The following SRSF12 variants were observed in gnomAD, a reference collection of about 807,000 sequenced individuals.
SRSF12 encodes the protein serine and arginine rich splicing factor 12.
A neutral mutation model predicts 34.1 loss-of-function variants in SRSF12; 21 were observed. That is an observed-to-expected ratio of 0.62 (90% CI 0.44 to 0.89). The LOEUF is 0.89. Among genes scored for constraint, SRSF12 ranks in the 40% least tolerant of loss-of-function variants. The probability of loss-of-function intolerance (pLI) is 0.00; values close to 1 mark genes in which losing one functional copy is unlikely to be tolerated. For synonymous variants in SRSF12, 111 were observed against 110.8 expected (o/e 1.00, Z -0.01); for missense variants, 278 against 327.8 (o/e 0.85, Z 1.17).
chr6:89,098,794 C>T lies in SRSF12; in HGVS notation c.570G>A (p.Lys190=), dbSNP rs1487181261. The change falls in exon 5 of 5, where the codon AAG becomes AAA. Residue 190 remains lysine (K), a synonymous_variant. Coordinates refer to ENST00000452027, the MANE Select transcript of SRSF12 (RefSeq NM_080743.5). The part of the protein sequence containing the change: ...SRSKSLQKRS[K]SIGKSQSSSP... ...AACTTGACTGTGATTTTCCTATTGA[C>T]TTGGACCTCTTTTGTAAGGACTTGG... 1 of 1,613,942 alleles carries T rather than the reference C, an allele frequency of 6.2e-7. No individual in the cohort carries two copies. The highest frequency in any genetic ancestry group is 8.5e-7 in the Non-Finnish European group (1 of 1,179,890).
In SRSF12 at chr6:89,099,443, CATAT is replaced by C. The variant is rs66913576; in HGVS notation, c.417-500_417-497del. On this transcript the variant is annotated intron_variant, in intron 4 of 4. Coordinates refer to ENST00000452027, the MANE Select transcript of SRSF12 (RefSeq NM_080743.5). ...ATATATATGTGTGTATATATATACACATATATATGTGTGTATATATGTGTGTGTA... is the reference window on the plus strand; with the variant it reads ...ATATATATGTGTGTATATATATACACATATGTGTGTATATATGTGTGTGTA... Among the ~76,000 whole-genome samples, 12 of 138,754 alleles carry C rather than the reference CATAT, an allele frequency of 8.6e-5. 1 individual carries two copies. Among genetic ancestry groups the C allele is most frequent in the Admixed American group, 4.2e-4 (6 of 14,160 alleles). 91.0% of individuals were successfully genotyped at this position (138,754 alleles called of 152,430 possible).
intron 1 of SRSF12, among the ~76,000 whole-genome samples, chr6:89,109,324 C>T (rs543801624): frequency 8.5e-5 from 13 of 152,290 alleles, no homozygotes; most frequent in African/African-American, 3.1e-4. Flanking sequence ...GTGTCTTCAC[C>T]AGCATATCTC....
chr6:89,114,494 T>C (rs767243353), intron 1 of SRSF12, among the ~76,000 whole-genome samples: 4 of 152,158 alleles, frequency 2.6e-5, no homozygotes, highest in Non-Finnish European at 4.4e-5. Flanking sequence ...TTAATATATG[T>C]AATGTTTTTA....
intron 4 of SRSF12, among the ~76,000 whole-genome samples, chr6:89,104,204 T>C (rs1768677453): frequency 6.6e-6 from 1 of 150,886 alleles, no homozygotes. Context: ...GAAAATTTTA[T>C]TTATCTAAAA....
At chr6:89,115,502 G>C (rs11961410) in intron 1 of SRSF12, among the ~76,000 whole-genome samples, 9,557 of 151,430 alleles carry the variant, frequency 0.063, 872 homozygotes, top group African/African-American at 0.2. Context: ...GGTTGGTCTC[G>C]AACCCCTCAC....
At position 89,105,650 on chromosome 6, in the gene SRSF12, C is replaced by T. The variant is rs1038646836; in HGVS notation, c.171-120G>A. On this transcript the variant is annotated intron_variant, in intron 2 of 4. Coordinates refer to ENST00000452027, the MANE Select transcript of SRSF12 (RefSeq NM_080743.5). ...CAAGTTCAAGTTATTAAGCTCACAT[C>T]TTCAATATAATATGAATAATCAGAA... The T allele has an allele frequency of 7.5e-6, 5 of 668,264 alleles. No individual in the cohort carries two copies. In the East Asian group the frequency reaches 1.4e-4, roughly 19 times the overall value. 41.4% of individuals were successfully genotyped at this position (668,264 alleles called of 1,614,324 possible).
At chr6:89,114,462 A>G (rs1201770240) in intron 1 of SRSF12, among the ~76,000 whole-genome samples, 4 of 152,212 alleles carry the variant, frequency 2.6e-5, no homozygotes, top group East Asian at 1.9e-4. Flanking sequence ...ACCACCATAC[A>G]TTATAGGGTT....
At chr6:89,113,854 G>A (rs1769169743) in intron 1 of SRSF12, among the ~76,000 whole-genome samples, 1 of 151,934 alleles carries the variant, frequency 6.6e-6, no homozygotes, top group East Asian at 1.9e-4. Context: ...TGTTTCCCTG[G>A]CTGGTTTCAA....
At chr6:89,117,305 G>A (rs1013827899) in intron 1 of SRSF12, among the ~76,000 whole-genome samples, 1 of 152,188 alleles carries the variant, frequency 6.6e-6, no homozygotes, top group African/African-American at 2.4e-5. Context: ...AAGCAGCACC[G>A]TCTGTAAGTA....
At chr6:89,115,426 G>T (rs1464286242) in intron 1 of SRSF12, among the ~76,000 whole-genome samples, 4 of 151,982 alleles carry the variant, frequency 2.6e-5, no homozygotes, top group African/African-American at 9.7e-5. Flanking sequence ...GGGATTACAG[G>T]CGCCAGCCAC....
At chr6:89,101,583 G>A (rs1033268579) in intron 4 of SRSF12, among the ~76,000 whole-genome samples, 1 of 151,984 alleles carries the variant, frequency 6.6e-6, no homozygotes, top group Non-Finnish European at 1.5e-5. Flanking sequence ...TTAGCTGGGT[G>A]TGGTGGCGGG....
chr6:89,106,302 G>A (rs964887157), intron 2 of SRSF12, among the ~76,000 whole-genome samples: 5 of 151,946 alleles, frequency 3.3e-5, no homozygotes, highest in Admixed American at 6.6e-5. Context: ...TAGTAGACAC[G>A]GGGTTTCACC....
intron 1 of SRSF12, 106 bp from the exon 2 acceptor site, chr6:89,107,364 C>T: frequency 2.6e-6 from 2 of 757,322 alleles, no homozygotes; most frequent in Non-Finnish European, 2.2e-6. Flanking sequence ...ATCATCTAGA[C>T]CAGCATTATC....
At position 89,098,527 on chromosome 6, in the gene SRSF12, A is replaced by G. The variant is rs374826719; in HGVS notation, c.*51T>C. On this transcript the variant is annotated 3_prime_UTR_variant, in exon 5 of 5. Transcript: ENST00000452027. ...TAAAGAATTTTTATTTAACATAATG[A>G]GAGTTTAATAACTTATATTAAAGAC... is the stretch of plus-strand genomic sequence containing the variant. 88 of 1,521,054 alleles carry G rather than the reference A, an allele frequency of 5.8e-5. No individual in the cohort carries two copies. Among genetic ancestry groups the G allele is most frequent in the East Asian group, 3.4e-4 (15 of 43,934 alleles). 94.2% of individuals were successfully genotyped at this position (1,521,054 alleles called of 1,614,324 possible). A position where few individuals can be genotyped will look rare whatever the true frequency, so the allele number is the denominator to read the frequency against.
intron 1 of SRSF12, among the ~76,000 whole-genome samples, chr6:89,109,906 A>C (rs1315623208): frequency 6.6e-6 from 1 of 152,152 alleles, no homozygotes; most frequent in African/African-American, 2.4e-5. Flanking sequence ...CTTGGCTAAG[A>C]GGGTGAAACC....
chr6:89,103,525 C>T (rs148296310), intron 4 of SRSF12, among the ~76,000 whole-genome samples: 8,319 of 150,136 alleles, frequency 0.055, 633 homozygotes, highest in African/African-American at 0.18. Context: ...CACGGGGTTT[C>T]GCCATGTTGG....
chr6:89,116,658 C>T (rs1191105014), intron 1 of SRSF12, among the ~76,000 whole-genome samples: 2 of 151,898 alleles, frequency 1.3e-5, no homozygotes, highest in Non-Finnish European at 2.9e-5. Flanking sequence ...GCCTGTAATC[C>T]CATCTACTTT....
At chr6:89,099,538 GTTT>G (rs201450623) in intron 4 of SRSF12, among the ~76,000 whole-genome samples, 3 of 126,204 alleles carry the variant, frequency 2.4e-5, no homozygotes, top group Middle Eastern at 4.2e-3. Context: ...ACACATACAT[GTTT>G]TTTTTTTTTT....
At chr6:89,109,129 T>G (rs2026908) in intron 1 of SRSF12, among the ~76,000 whole-genome samples, 112,196 of 152,050 alleles carry the variant, frequency 0.74, 41,479 homozygotes, top group East Asian at 0.84. Flanking sequence ...GGCATAAAGA[T>G]TCTCAACCTC....
Sources: allele counts gnomAD v4.1 joint callset (sites outside exome capture counted in the v4.1 genomes callset), GRCh38; gene constraint gnomAD v4.1.1; transcripts MANE v1.5; gene names NCBI Gene and HGNC (gene_info 2026-07-23, HGNC 2026-07-21).